ZZZ3: variants seen among roughly 807,000 people sequenced by gnomAD.
The protein encoded by ZZZ3 is zinc finger ZZ-type containing 3, also known as ZZ-type zinc finger-containing protein 3.
In ZZZ3, 22 loss-of-function variants were observed where a neutral mutation model predicts 95.2. The observed-to-expected ratio is 0.23, with a 90% CI of 0.17 to 0.33. The LOEUF is 0.33. ZZZ3 is among the 10% of genes least tolerant of loss of function. ZZZ3 has a pLI of 1.00. For missense variants in ZZZ3, 885 were observed against 1,066.5 expected (o/e 0.83, Z 2.37); for synonymous variants, 335 against 358.9 (o/e 0.93, Z 0.75).
chr1:77,679,748 T>A (rs1437613134), intron 1 of ZZZ3, among the ~76,000 whole-genome samples: 1 of 152,208 alleles, frequency 6.6e-6, no homozygotes, highest in African/African-American at 2.4e-5. Flanking sequence ...ACCGTAATAA[T>A]TGAGAAAAGT....
At position 77,565,463 on chromosome 1, in the gene ZZZ3, C is replaced by T. The variant is rs1660731865; in HGVS notation, c.*177G>A. The T allele has an allele frequency of 5.3e-6, 3 of 566,834 alleles. No individual in the cohort carries two copies. Among genetic ancestry groups the T allele is most frequent in the Admixed American group, 7.4e-5 (2 of 27,012 alleles). 35.1% of individuals were successfully genotyped at this position (566,834 alleles called of 1,614,324 possible). A position where few individuals can be genotyped will look rare whatever the true frequency, so the allele number is the denominator to read the frequency against. On this transcript the variant is annotated 3_prime_UTR_variant, in exon 15 of 15. Coordinates refer to ENST00000370801, the MANE Select transcript of ZZZ3 (RefSeq NM_015534.6). ...TCACCAGGAATGTTCAGCTGCTGAA[C>T]AGTGATCTAGAGCCACAACGGTGCA...
chr1:77,670,857 A>C (rs1671718927), intron 1 of ZZZ3, among the ~76,000 whole-genome samples: 1 of 152,068 alleles, frequency 6.6e-6, no homozygotes, highest in Non-Finnish European at 1.5e-5. Flanking sequence ...AGACTCTGCA[A>C]AAACTACAAC....
chr1:77,647,670 T>C (rs988037929), intron 1 of ZZZ3, among the ~76,000 whole-genome samples: 3 of 152,244 alleles, frequency 2.0e-5, no homozygotes, highest in Admixed American at 6.5e-5. Flanking sequence ...GCTTATATAA[T>C]TTAATTATCT....
chr1:77,636,819 G>A (rs1251431902), intron 4 of ZZZ3, among the ~76,000 whole-genome samples: 2 of 150,138 alleles, frequency 1.3e-5, no homozygotes, highest in Non-Finnish European at 3.0e-5. Context: ...AATAAAATAT[G>A]AAAACACTGA....
intron 6 of ZZZ3, among the ~76,000 whole-genome samples, chr1:77,583,100 C>T (rs1473208397): frequency 1.3e-5 from 2 of 150,768 alleles, no homozygotes; most frequent in Admixed American, 6.6e-5. Flanking sequence ...TAGTGAGATT[C>T]CATCTCAAAA....
intron 1 of ZZZ3, among the ~76,000 whole-genome samples, chr1:77,654,519 C>T (rs1187242466): frequency 6.6e-6 from 1 of 152,072 alleles, no homozygotes; most frequent in Non-Finnish European, 1.5e-5. Flanking sequence ...TAAAATAATA[C>T]ACCATGACCA....
At chr1:77,590,653 G>T (rs1663595983) in intron 5 of ZZZ3, among the ~76,000 whole-genome samples, 1 of 152,234 alleles carries the variant, frequency 6.6e-6, no homozygotes, top group Non-Finnish European at 1.5e-5. Context: ...CCCCCAGGGG[G>T]TTAAACAGCT....
chr1:77,598,632 T>C (rs1664440847), intron 5 of ZZZ3, among the ~76,000 whole-genome samples: 1 of 152,208 alleles, frequency 6.6e-6, no homozygotes, highest in Non-Finnish European at 1.5e-5. Flanking sequence ...TTTACCTTTT[T>C]ATGTTAGCAA....
At chr1:77,639,933 C>T (rs1277314521) in intron 3 of ZZZ3, among the ~76,000 whole-genome samples, 2 of 149,930 alleles carry the variant, frequency 1.3e-5, no homozygotes, top group African/African-American at 4.9e-5. Context: ...ATAAAGGTTG[C>T]CCTTGATAGC....
intron 1 of ZZZ3, among the ~76,000 whole-genome samples, chr1:77,675,194 T>C (rs543345597): frequency 2.1e-4 from 32 of 152,166 alleles, no homozygotes; most frequent in Non-Finnish European, 3.4e-4. Context: ...CCAGGAGAAA[T>C]AATCTTGGTA....
chr1:77,631,070 T>C (rs1313197398), intron 5 of ZZZ3, among the ~76,000 whole-genome samples: 1 of 152,214 alleles, frequency 6.6e-6, no homozygotes, highest in Non-Finnish European at 1.5e-5. Flanking sequence ...TATCTAGACA[T>C]AGTAAGCTCC....
At chr1:77,582,177 A>G in intron 6 of ZZZ3, 51 bp from the exon 7 acceptor site, 1 of 1,532,652 alleles carries the variant, frequency 6.5e-7, no homozygotes, top group Non-Finnish European at 8.8e-7. Context: ...AAATTTAATT[A>G]AAGAAATAAT....
intron 5 of ZZZ3, among the ~76,000 whole-genome samples, chr1:77,585,287 C>T (rs947865120): frequency 1.3e-5 from 2 of 152,152 alleles, no homozygotes; most frequent in African/African-American, 4.8e-5. Context: ...GATATTTATA[C>T]TTTCCTGCTT....
chr1:77,619,322 T>C (rs1666624652), intron 5 of ZZZ3, among the ~76,000 whole-genome samples: 1 of 152,190 alleles, frequency 6.6e-6, no homozygotes, highest in African/African-American at 2.4e-5. Context: ...TCATAGTAAC[T>C]GCAAAGACAC....
chr1:77,638,306 T>G (rs148998650), intron 4 of ZZZ3, among the ~76,000 whole-genome samples: 384 of 152,272 alleles, frequency 2.5e-3, no homozygotes, highest in Middle Eastern at 6.8e-3. Flanking sequence ...TGCCCTCTCA[T>G]AAATTTGAAT....
intron 1 of ZZZ3, among the ~76,000 whole-genome samples, chr1:77,674,698 T>C (rs950941880): frequency 4.6e-5 from 7 of 152,142 alleles, no homozygotes; most frequent in African/African-American, 1.7e-4. Context: ...ACACCTGTAA[T>C]GTCAGCGCTT....
rs187456518 is a variant in ZZZ3, at chr1:77,608,363, T to A, written c.1505+23487A>T. On this transcript the variant is annotated intron_variant, in intron 5 of 14. Coordinates refer to ENST00000370801, the MANE Select transcript of ZZZ3 (RefSeq NM_015534.6). ...AGAGAGTGGCATGACAAACTTAAAGTGCTGAAGGAAAAAAATTTTACCCTA... is the reference window on the plus strand; with the variant it reads ...AGAGAGTGGCATGACAAACTTAAAGAGCTGAAGGAAAAAAATTTTACCCTA... Among the ~76,000 whole-genome samples the A allele has an allele frequency of 9.1e-4, 138 of 152,224 alleles. 2 individuals carry two copies. The highest frequency in any genetic ancestry group is 2.9e-3 in the African/African-American group (120 of 41,546).
At chr1:77,628,505 C>A (rs1457287409) in intron 5 of ZZZ3, among the ~76,000 whole-genome samples, 2 of 152,166 alleles carry the variant, frequency 1.3e-5, no homozygotes, top group African/African-American at 2.4e-5. Flanking sequence ...CCCAGAACAT[C>A]CACAGATTTG....
At chr1:77,616,965 C>A (rs76459961) in intron 5 of ZZZ3, among the ~76,000 whole-genome samples, 2,035 of 152,256 alleles carry the variant, frequency 0.013, 41 homozygotes, top group African/African-American at 0.047. Context: ...TTCTACTATA[C>A]TTAAATGCAT....
Sources: allele counts gnomAD v4.1 joint callset (sites outside exome capture counted in the v4.1 genomes callset), GRCh38; gene constraint gnomAD v4.1.1; transcripts MANE v1.5; gene names NCBI Gene and HGNC (gene_info 2026-07-23, HGNC 2026-07-21).